Variants in SERINC2 observed in about 807,000 individuals in gnomAD.
SERINC2 encodes the protein serine incorporator 2, also known as tumor differentially expressed protein 2.
A neutral mutation model predicts 54.2 loss-of-function variants in SERINC2; 56 were observed. That is an observed-to-expected ratio of 1.03 (90% CI 0.83 to 1.29). The LOEUF is 1.29. Ranked by LOEUF, SERINC2 falls within the 50% of genes most tolerant of loss-of-function variation. The probability of loss-of-function intolerance (pLI) is 0.00; values close to 1 mark genes in which losing one functional copy is unlikely to be tolerated. For missense variants in SERINC2, 614 were observed against 607.4 expected, an observed-to-expected ratio of 1.01 and a Z score of -0.12; for synonymous variants, 272 against 253.1, an observed-to-expected ratio of 1.07 and a Z score of -0.71.
intron 9 of SERINC2, 56 bp from the exon 10 acceptor site, chr1:31,434,008 A>G: frequency 2.5e-6 from 4 of 1,589,346 alleles, no homozygotes; most frequent in Non-Finnish European, 3.4e-6. Flanking sequence ...GCCAGGGGCC[A>G]AGATGGAAGT....
In SERINC2 at chr1:31,431,785, GA is replaced by G. The variant is rs1557499738; in HGVS notation, c.1014-1181del. Among the ~76,000 whole-genome samples, 846 of 140,506 alleles carry G rather than the reference GA, an allele frequency of 6.0e-3. 170 individuals carry two copies. Among genetic ancestry groups the G allele is most frequent in the Middle Eastern group, 0.014 (4 of 278 alleles). The allele number at this position is 140,506 out of a possible 152,430, so 92.2% of individuals were successfully genotyped here. A position where few individuals can be genotyped will look rare whatever the true frequency, so the allele number is the denominator to read the frequency against. ...GAGGGTGGAGAGGGTGAATAGGGTGGATAGGGTGGATAGGGTGGACAGGGTG... is the reference window on the plus strand; with the variant it reads ...GAGGGTGGAGAGGGTGAATAGGGTGGTAGGGTGGATAGGGTGGACAGGGTG... On this transcript the variant is annotated intron_variant, in intron 8 of 9. Transcript: ENST00000373709.
At chr1:31,423,972 C>A in intron 2 of SERINC2, 118 bp downstream of exon 2, 1 of 920,422 alleles carries the variant, frequency 1.1e-6, no homozygotes, top group Non-Finnish European at 1.7e-6. Context: ...TGTTTGGGTG[C>A]ACTGATGATC....
chr1:31,424,710 GGGATCCCCA>G lies in SERINC2; in HGVS notation c.230_238del (p.Gly77_Thr80delinsAla). ...GCCCTGGGTGTGTGAGGAGGGGGCC[GGGATCCCCA>G]CCGTCCTGCAGGGCCACATCGACTG... is the stretch of plus-strand genomic sequence containing the variant. On this transcript the variant is annotated inframe_deletion, in exon 3 of 10. Coordinates refer to ENST00000373709, the MANE Select transcript of SERINC2 (RefSeq NM_178865.5). 1.2e-6 allele frequency: 2 copies of G among 1,604,454 alleles called. No homozygotes were observed. The highest frequency in any genetic ancestry group is 1.7e-6 in the Non-Finnish European group (2 of 1,175,756).
intron 8 of SERINC2, among the ~76,000 whole-genome samples, chr1:31,432,052 G>A (rs1301783511): frequency 2.3e-5 from 3 of 132,298 alleles, no homozygotes; most frequent in African/African-American, 9.3e-5. Context: ...GGTGGACAGG[G>A]TGGACAGGGT....
intron 3 of SERINC2, among the ~76,000 whole-genome samples, chr1:31,425,096 G>A (rs568025662): frequency 5.9e-5 from 9 of 152,302 alleles, no homozygotes; most frequent in Admixed American, 5.2e-4. Context: ...GACACAGCTG[G>A]GGCTGGACCT....
intron 8 of SERINC2, among the ~76,000 whole-genome samples, chr1:31,431,636 G>C (rs1177570402): frequency 6.6e-6 from 1 of 152,220 alleles, no homozygotes; most frequent in Non-Finnish European, 1.5e-5. Flanking sequence ...GCACAGGTCT[G>C]TTCTTAGCAT....
At chr1:31,415,113 A>G (rs1303346380) in intron 1 of SERINC2, among the ~76,000 whole-genome samples, 1 of 152,206 alleles carries the variant, frequency 6.6e-6, no homozygotes, top group African/African-American at 2.4e-5. Context: ...CGCCCGGAGA[A>G]GATAGCTGAC....
chr1:31,413,226 C>A lies in SERINC2; in HGVS notation c.-40C>A, dbSNP rs1392604787. The A allele has an allele frequency of 8.9e-7, 1 of 1,120,868 alleles. No individual in the cohort carries two copies. The highest frequency in any genetic ancestry group is 1.1e-6 in the Non-Finnish European group (1 of 920,100). The allele number at this position is 1,120,868 out of a possible 1,614,324, so 69.4% of individuals were successfully genotyped here. A position where few individuals can be genotyped will look rare whatever the true frequency, so the allele number is the denominator to read the frequency against. On this transcript the variant is annotated 5_prime_UTR_variant, in exon 1 of 10. Transcript: ENST00000373709. The surrounding 1 kb of genome is among the most constrained non-coding windows in gnomAD (Gnocchi z 5.0). ...CACCCGGATCCCGAGGTCCGCGCCC[C>A]GCGCCCGGCGCCGGGCGCCCGAAGC...
intron 1 of SERINC2, chr1:31,415,877 G>GGT: frequency 1.0e-6 from 1 of 985,502 alleles, no homozygotes; most frequent in South Asian, 4.7e-5. Flanking sequence ...TCTCAGCATT[G>GGT]GAACTGGGCT....
rs79459747 is a variant in SERINC2, at chr1:31,425,700, G to A, written c.473-76G>A. ...CTTCTCAGTGTCCCCGGTGCAGGGT[G>A]TAGCAGAAAACGCTTGTTGAACGAG... is the stretch of plus-strand genomic sequence containing the variant. On this transcript the variant is annotated intron_variant, in intron 4 of 9. Coordinates refer to ENST00000373709, the MANE Select transcript of SERINC2 (RefSeq NM_178865.5). The A allele has an allele frequency of 3.1e-3, 4,694 of 1,530,904 alleles. 113 individuals carry two copies. The African/African-American group carries it at 0.054, about 18-fold the overall frequency. 94.8% of individuals were successfully genotyped at this position (1,530,904 alleles called of 1,614,324 possible). A position where few individuals can be genotyped will look rare whatever the true frequency, so the allele number is the denominator to read the frequency against.
At chr1:31,429,811 A>T (rs781947263) in intron 8 of SERINC2, among the ~76,000 whole-genome samples, 8 of 151,960 alleles carry the variant, frequency 5.3e-5, no homozygotes, top group Non-Finnish European at 5.9e-5. Context: ...GGGGTCAGGG[A>T]AGGAGCATGG....
chr1:31,413,486 C>T lies in SERINC2; in HGVS notation c.39+182C>T, dbSNP rs1640696739. On this transcript the variant is annotated intron_variant, in intron 1 of 9. Transcript: ENST00000373709. The surrounding 1 kb of genome is among the most constrained non-coding windows in gnomAD (Gnocchi z 5.0). Reference sequence around the variant, plus strand: ...ACTCGGCACCCGGATCCCGCTGCCCCCGTCCCCCTGCTCAGTCCTGGCCGG... The same window carrying T: ...ACTCGGCACCCGGATCCCGCTGCCCTCGTCCCCCTGCTCAGTCCTGGCCGG... Among the ~76,000 whole-genome samples the T allele has an allele frequency of 6.6e-6, 1 of 152,106 alleles. No individual in the cohort carries two copies. Among genetic ancestry groups the T allele is most frequent in the Non-Finnish European group, 1.5e-5 (1 of 67,982 alleles).
rs1553133006 is a variant in SERINC2 at position 31,423,654 on chromosome 1, G to A, written c.40-39G>A. On this transcript the variant is annotated intron_variant, in intron 1 of 9. Coordinates refer to ENST00000373709, the MANE Select transcript of SERINC2 (RefSeq NM_178865.5). Reference sequence around the variant, plus strand: ...GTGGTGAGAGGTGCGCGCTTGGGCGGTGAAGGGGAGAGGGAAGAGTGACAG... The same window carrying A: ...GTGGTGAGAGGTGCGCGCTTGGGCGATGAAGGGGAGAGGGAAGAGTGACAG... The A allele has an allele frequency of 7.5e-6, 12 of 1,593,776 alleles. 1 individual carries two copies. Among genetic ancestry groups the A allele is most frequent in the Middle Eastern group, 1.9e-4 (1 of 5,264 alleles).
At chr1:31,433,758 G>A (rs1472829411) in intron 9 of SERINC2, among the ~76,000 whole-genome samples, 6 of 152,104 alleles carry the variant, frequency 3.9e-5, no homozygotes, top group Non-Finnish European at 7.4e-5. Flanking sequence ...CAGGACTAAG[G>A]TCAGGAGCTC....
chr1:31,414,334 T>G, intron 1 of SERINC2: 2 of 1,265,012 alleles, frequency 1.6e-6, no homozygotes, highest in Non-Finnish European at 2.0e-6. Flanking sequence ...CCTCCCCCTC[T>G]GGCCCCACAC....
chr1:31,425,800 G>C lies in SERINC2; in HGVS notation c.497G>C (p.Gly166Ala). 6.2e-7 allele frequency: 1 copy of C among 1,613,448 alleles called. No homozygotes were observed. The highest frequency in any genetic ancestry group is 1.1e-5 in the South Asian group (1 of 91,028). ...GTCTGGTTCTACTTCGGCGTCGTGG[G>C]CTCCTTCCTCTTCATCCTCATCCAG... The part of the protein sequence containing the change: ...TNIWFYFGVV[G>A]SFLFILIQLV... Residue 166 changes from glycine (G) to alanine (A), a missense_variant, in exon 5 of 10, where the codon GGC (glycine) becomes GCC (alanine). Coordinates refer to ENST00000373709, the MANE Select transcript of SERINC2 (RefSeq NM_178865.5).
Position 31,433,073 on chromosome 1 carries a change from G to T in SERINC2, c.1120G>T (p.Gly374Cys). Residue 374 changes from glycine (G) to cysteine (C), a missense_variant, in exon 9 of 10, where the codon GGC (glycine) becomes TGC (cysteine). Physicochemically the swap from Gly to Cys is radical, Grantham distance 159. Transcript: ENST00000373709. ...GCAGCAGCAGGTGGCAGCCTGTGAG[G>T]GCCGGGCCTTTGACAACGAGCAGGA... ...QQQQQVAACEGRAFDNEQDGV... is the reference protein window; with the variant it reads ...QQQQQVAACECRAFDNEQDGV... 1.2e-6 allele frequency: 2 copies of T among 1,613,492 alleles called. No individual in the cohort carries two copies. Among genetic ancestry groups the T allele is most frequent in the South Asian group, 1.1e-5 (1 of 91,086 alleles).
At chr1:31,422,833 CTGAA>C (rs1487906171) in intron 1 of SERINC2, among the ~76,000 whole-genome samples, 1 of 152,176 alleles carries the variant, frequency 6.6e-6, no homozygotes, top group Non-Finnish European at 1.5e-5. Context: ...TCACCAGCCC[CTGAA>C]TGATTTCAGC....
At chr1:31,424,556 G>T in intron 2 of SERINC2, 127 bp from the exon 3 acceptor site, 2 of 747,938 alleles carry the variant, frequency 2.7e-6, no homozygotes, top group Non-Finnish European at 4.3e-6. Context: ...TCCCTGTCTG[G>T]TCCAGCCCCT....
Sources: allele counts gnomAD v4.1 joint callset (sites outside exome capture counted in the v4.1 genomes callset), GRCh38; gene constraint gnomAD v4.1.1; non-coding constraint Gnocchi (gnomAD v3.1); transcripts MANE v1.5; gene names NCBI Gene and HGNC (gene_info 2026-07-23, HGNC 2026-07-21).